CNTNAP5: variants seen among roughly 807,000 people sequenced by gnomAD.
The protein encoded by CNTNAP5 is contactin-associated protein-like 5.
A neutral mutation model predicts 150.2 loss-of-function variants in CNTNAP5; 72 were observed. The ratio of observed to expected loss-of-function variants is 0.48; its 90% CI spans 0.40 to 0.58. CNTNAP5 has a LOEUF of 0.58. Ranked by LOEUF, CNTNAP5 falls within the 20% of genes least tolerant of loss-of-function variation. The pLI, the probability that CNTNAP5 is intolerant of heterozygous loss-of-function variation, is 0.00. For synonymous variants in CNTNAP5, 672 were observed against 619.8 expected, an observed-to-expected ratio of 1.08 and a Z score of -1.25; for missense variants, 1,636 against 1,626.2, an observed-to-expected ratio of 1.01 and a Z score of -0.10.
intron 16 of CNTNAP5, among the ~76,000 whole-genome samples, chr2:124,770,728 C>T (rs1215470735): frequency 6.6e-6 from 1 of 152,162 alleles, no homozygotes; most frequent in Non-Finnish European, 1.5e-5. Flanking sequence ...TCCTTTAAGG[C>T]ATGAATTTGT....
chr2:124,860,618 C>T (rs1677505451), intron 19 of CNTNAP5, among the ~76,000 whole-genome samples: 1 of 151,546 alleles, frequency 6.6e-6, no homozygotes, highest in South Asian at 2.1e-4. Flanking sequence ...TTACTGGGTA[C>T]TTACCATGGG....
chr2:124,608,127 A>T (rs772922261), intron 11 of CNTNAP5, among the ~76,000 whole-genome samples: 5 of 152,116 alleles, frequency 3.3e-5, no homozygotes, highest in Non-Finnish European at 7.4e-5. Context: ...TCTTCCTGGG[A>T]TGGGACATTA....
intron 19 of CNTNAP5, among the ~76,000 whole-genome samples, chr2:124,835,933 C>A (rs1488535554): frequency 6.6e-6 from 1 of 152,024 alleles, no homozygotes. Context: ...AGAAGGGCAC[C>A]AATACCCTGG....
At chr2:124,526,734 C>A (rs898790188) in intron 9 of CNTNAP5, among the ~76,000 whole-genome samples, 1 of 152,174 alleles carries the variant, frequency 6.6e-6, no homozygotes, top group Non-Finnish European at 1.5e-5. Flanking sequence ...AGCAAAACAT[C>A]TGATTTTGCT....
intron 22 of CNTNAP5, among the ~76,000 whole-genome samples, chr2:124,904,998 T>C (rs533084988): frequency 7.5e-6 from 1 of 132,600 alleles, no homozygotes; most frequent in Non-Finnish European, 1.6e-5. Flanking sequence ...GATGAAGGGT[T>C]AGTATCCAAA....
intron 3 of CNTNAP5, among the ~76,000 whole-genome samples, chr2:124,247,445 C>T (rs1436852882): frequency 2.0e-5 from 3 of 152,038 alleles, no homozygotes; most frequent in East Asian, 1.9e-4. Flanking sequence ...TTCACATGCA[C>T]GAAGCTTGTC....
chr2:124,266,913 C>T (rs559854371), intron 3 of CNTNAP5, among the ~76,000 whole-genome samples: 10 of 151,718 alleles, frequency 6.6e-5, no homozygotes, highest in South Asian at 2.1e-4. Context: ...AAATTACGTA[C>T]GCTTTTGCTG....
intron 13 of CNTNAP5, among the ~76,000 whole-genome samples, chr2:124,739,882 T>C (rs62171327): frequency 0.25 from 38,401 of 151,874 alleles, 5,513 homozygotes; most frequent in Non-Finnish European, 0.34. Context: ...TTGGCACTGA[T>C]CTCACTCTGA....
In CNTNAP5 at chr2:124,858,967, C is replaced by T. The variant is rs150224873; in HGVS notation, c.3218-6339C>T. Among the ~76,000 whole-genome samples the T allele has an allele frequency of 3.4e-3, 523 of 152,010 alleles. 1 individual carries two copies. Among genetic ancestry groups the T allele is most frequent in the South Asian group, 6.6e-3 (32 of 4,814 alleles). ...AACCATGAAAACCCTAGAAGAAAACCGAGGCAATACCATTCAGGACATAGG... is the reference window on the plus strand; with the variant it reads ...AACCATGAAAACCCTAGAAGAAAACTGAGGCAATACCATTCAGGACATAGG... On this transcript the variant is annotated intron_variant, in intron 19 of 23. Coordinates refer to ENST00000682447, the MANE Select transcript of CNTNAP5 (RefSeq NM_001367498.1).
At chr2:124,757,415 C>G (rs1483611072) in intron 14 of CNTNAP5, among the ~76,000 whole-genome samples, 1 of 152,164 alleles carries the variant, frequency 6.6e-6, no homozygotes, top group Non-Finnish European at 1.5e-5. Flanking sequence ...GTGATTCCAG[C>G]ACAGTCCAGA....
intron 2 of CNTNAP5, among the ~76,000 whole-genome samples, chr2:124,230,888 C>T (rs1240123574): frequency 2.0e-5 from 3 of 152,254 alleles, no homozygotes; most frequent in South Asian, 2.1e-4. Flanking sequence ...GGATTACCCC[C>T]TCTCCCTGTG....
At chr2:124,786,080 A>G (rs187919429) in intron 17 of CNTNAP5, among the ~76,000 whole-genome samples, 15 of 152,046 alleles carry the variant, frequency 9.9e-5, no homozygotes, top group Middle Eastern at 3.4e-3. Flanking sequence ...AGTAAAATTA[A>G]ATAAACAAAT....
chr2:124,872,411 T>C (rs893751783), intron 21 of CNTNAP5, among the ~76,000 whole-genome samples: 8 of 146,314 alleles, frequency 5.5e-5, no homozygotes, highest in South Asian at 2.1e-4. Context: ...TGTGTGTGTG[T>C]GTGTGCGTGC....
chr2:124,219,408 T>C (rs979408521), intron 1 of CNTNAP5, among the ~76,000 whole-genome samples: 14 of 152,108 alleles, frequency 9.2e-5, no homozygotes, highest in Admixed American at 2.6e-4. Context: ...GCTATAATAC[T>C]TTATGTTAAA....
Position 124,524,296 on chromosome 2 carries a change from C to G in CNTNAP5, c.1328-7C>G. On this transcript the variant is annotated splice_polypyrimidine_tract_variant and splice_region_variant and intron_variant, in intron 8 of 23. Coordinates refer to ENST00000682447, the MANE Select transcript of CNTNAP5 (RefSeq NM_001367498.1). Reference sequence around the variant, plus strand: ...TCTCTATGCTTACTCTCTTGTTTCTCTTGCAGGCAGCAACTTGAATGATGG... The same window carrying G: ...TCTCTATGCTTACTCTCTTGTTTCTGTTGCAGGCAGCAACTTGAATGATGG... 1 of 1,613,630 alleles carries G rather than the reference C, an allele frequency of 6.2e-7. No individual in the cohort carries two copies. The highest frequency in any genetic ancestry group is 8.5e-7 in the Non-Finnish European group (1 of 1,179,710).
Position 124,319,752 on chromosome 2 carries a change from A to G in CNTNAP5, c.381+77359A>G, listed in dbSNP as rs189275078. On this transcript the variant is annotated intron_variant, in intron 3 of 23. Transcript: ENST00000682447. The stretch of plus-strand genomic sequence containing the variant: ...CCTCTACCCACTAGATGCCAGTAGC[A>G]CCTTTCCCCTATACTGTGACAATCA... Among the ~76,000 whole-genome samples, 23 of 152,170 alleles carry G rather than the reference A, an allele frequency of 1.5e-4. No individual in the cohort carries two copies. In the East Asian group the frequency reaches 3.9e-3, roughly 26 times the overall value.
At chr2:124,794,687 G>A (rs1445185735) in intron 18 of CNTNAP5, among the ~76,000 whole-genome samples, 3 of 152,038 alleles carry the variant, frequency 2.0e-5, no homozygotes, top group Non-Finnish European at 2.9e-5. Flanking sequence ...CTGTAGGACA[G>A]GGAAGAGTTT....
At chr2:124,401,927 G>A (rs1691435546) in intron 3 of CNTNAP5, among the ~76,000 whole-genome samples, 1 of 152,100 alleles carries the variant, frequency 6.6e-6, no homozygotes. Flanking sequence ...TCACTTAATG[G>A]AAGACATTAC....
At chr2:124,742,762 G>C (rs1172122992) in intron 13 of CNTNAP5, among the ~76,000 whole-genome samples, 1 of 152,002 alleles carries the variant, frequency 6.6e-6, no homozygotes, top group East Asian at 1.9e-4. Flanking sequence ...TTCCTCAGTC[G>C]TATTTTTTTT....
Sources: allele counts gnomAD v4.1 joint callset (sites outside exome capture counted in the v4.1 genomes callset), GRCh38; gene constraint gnomAD v4.1.1; transcripts MANE v1.5; gene names NCBI Gene and HGNC (gene_info 2026-07-23, HGNC 2026-07-21).